CACHD1: variants seen among roughly 807,000 people sequenced by gnomAD.
CACHD1 encodes cache domain containing 1.
CACHD1 carries 71 observed loss-of-function variants against 138.7 expected under a neutral mutation model. The ratio of observed to expected loss-of-function variants is 0.51; its 90% CI spans 0.42 to 0.62. The LOEUF (loss-of-function observed/expected upper bound fraction) is 0.62, where lower values mean the gene tolerates loss of function less well. Ranked by LOEUF, CACHD1 falls within the 20% of genes least tolerant of loss-of-function variation. The probability of loss-of-function intolerance (pLI) is 0.00; values close to 1 mark genes in which losing one functional copy is unlikely to be tolerated. For missense variants in CACHD1, 1,389 were observed against 1,625.3 expected (o/e 0.85, Z 2.50); for synonymous variants, 578 against 591.5 (o/e 0.98, Z 0.33).
At chr1:64,500,481 A>G (rs762847496) in intron 1 of CACHD1, among the ~76,000 whole-genome samples, 46 of 152,270 alleles carry the variant, frequency 3.0e-4, no homozygotes, top group Middle Eastern at 3.4e-3. Context: ...TTGATTGGGC[A>G]TGCAAACAAA....
intron 1 of CACHD1, among the ~76,000 whole-genome samples, chr1:64,501,495 C>T (rs1362223328): frequency 2.0e-5 from 3 of 152,128 alleles, no homozygotes; most frequent in African/African-American, 7.2e-5. Flanking sequence ...TGATTTATGC[C>T]TTTTTGTGTT....
chr1:64,580,024 T>C (rs1646999392), intron 2 of CACHD1: 1 of 152,142 alleles, frequency 6.6e-6, no homozygotes, highest in Non-Finnish European at 1.5e-5. Context: ...TCTGACACCC[T>C]CTACTGCCCA....
At chr1:64,566,812 C>G (rs1646886526) in intron 2 of CACHD1, among the ~76,000 whole-genome samples, 1 of 151,196 alleles carries the variant, frequency 6.6e-6, no homozygotes, top group Admixed American at 6.6e-5. Context: ...TTGGGATGCT[C>G]TTTAAAGTTT....
intron 1 of CACHD1, among the ~76,000 whole-genome samples, chr1:64,535,146 G>C (rs1006472181): frequency 6.6e-6 from 1 of 152,144 alleles, no homozygotes; most frequent in African/African-American, 2.4e-5. Context: ...GTGGACACAA[G>C]TAGAAAGTGG....
At chr1:64,641,684 T>C in intron 7 of CACHD1, 136 bp from the exon 8 acceptor site, 1 of 558,844 alleles carries the variant, frequency 1.8e-6, no homozygotes, top group Non-Finnish European at 3.1e-6. Context: ...AGCCACAGCA[T>C]CAAACAGGAG....
At chr1:64,537,846 A>C (rs1259023045) in intron 1 of CACHD1, among the ~76,000 whole-genome samples, 1 of 152,190 alleles carries the variant, frequency 6.6e-6, no homozygotes, top group Non-Finnish European at 1.5e-5. Context: ...ATGAATAAGC[A>C]AATGGAGGCA....
chr1:64,540,669 T>C (rs1182170186), intron 1 of CACHD1, among the ~76,000 whole-genome samples: 1 of 152,206 alleles, frequency 6.6e-6, no homozygotes, highest in African/African-American at 2.4e-5. Flanking sequence ...TGGTTTTGAA[T>C]GCTGTAACAG....
chr1:64,687,731 C>G (rs1650413408), intron 26 of CACHD1, among the ~76,000 whole-genome samples: 1 of 151,968 alleles, frequency 6.6e-6, no homozygotes, highest in South Asian at 2.1e-4. Context: ...CAGGCAAAGC[C>G]ACAGGTAACT....
At chr1:64,651,330 T>A (rs890939366) in intron 9 of CACHD1, among the ~76,000 whole-genome samples, 10 of 152,190 alleles carry the variant, frequency 6.6e-5, no homozygotes, top group Non-Finnish European at 1.0e-4. Context: ...TTCTGTATGT[T>A]CAGATACTGT....
chr1:64,527,515 T>A (rs940025575), intron 1 of CACHD1, among the ~76,000 whole-genome samples: 2 of 152,216 alleles, frequency 1.3e-5, no homozygotes, highest in African/African-American at 2.4e-5. Flanking sequence ...TTTTGTGTGA[T>A]GGCATTTGCT....
intron 2 of CACHD1, among the ~76,000 whole-genome samples, chr1:64,552,857 T>G (rs570447546): frequency 7.2e-5 from 11 of 152,270 alleles, no homozygotes; most frequent in Non-Finnish European, 1.3e-4. Flanking sequence ...TCTGCTAAAC[T>G]GTCTTTATCT....
chr1:64,508,707 C>CTAA (rs1646395894), intron 1 of CACHD1, among the ~76,000 whole-genome samples: 1 of 152,162 alleles, frequency 6.6e-6, no homozygotes, highest in African/African-American at 2.4e-5. Context: ...AGTGAGAGGG[C>CTAA]TAAGTAAGAT....
intron 1 of CACHD1, among the ~76,000 whole-genome samples, chr1:64,548,186 A>G (rs941731774): frequency 6.6e-6 from 1 of 152,238 alleles, no homozygotes; most frequent in African/African-American, 2.4e-5. Flanking sequence ...AGAAGGAAGT[A>G]TCTGATTTGG....
chr1:64,586,216 A>G (rs1647050280), intron 3 of CACHD1, among the ~76,000 whole-genome samples: 1 of 152,128 alleles, frequency 6.6e-6, no homozygotes, highest in African/African-American at 2.4e-5. Context: ...GGGGCGTGCC[A>G]CCACGCCCGG....
At chr1:64,576,540 A>G (rs1646969133) in intron 2 of CACHD1, among the ~76,000 whole-genome samples, 1 of 151,770 alleles carries the variant, frequency 6.6e-6, no homozygotes, top group African/African-American at 2.4e-5. Context: ...TGAGGTTTCC[A>G]TAGTGTGTCA....
chr1:64,631,507 G>A (rs150976440), intron 5 of CACHD1, among the ~76,000 whole-genome samples: 221 of 152,230 alleles, frequency 1.5e-3, no homozygotes, highest in Non-Finnish European at 2.4e-3. Context: ...CTTTGCCTGC[G>A]TTTCTTAATT....
chr1:64,625,787 T>A (rs1051364158), intron 4 of CACHD1, among the ~76,000 whole-genome samples: 1 of 152,178 alleles, frequency 6.6e-6, no homozygotes, highest in African/African-American at 2.4e-5. Context: ...AAAAATTTTT[T>A]AAAGTGTTCC....
At chr1:64,685,738 T>G (rs904417515) in intron 26 of CACHD1, among the ~76,000 whole-genome samples, 8 of 151,690 alleles carry the variant, frequency 5.3e-5, no homozygotes, top group African/African-American at 1.9e-4. Flanking sequence ...CTCGGGAGAC[T>G]GAGGTGGGAA....
chr1:64,478,102 A>T (rs2100266671), intron 1 of CACHD1, among the ~76,000 whole-genome samples: 1 of 152,338 alleles, frequency 6.6e-6, no homozygotes, highest in South Asian at 2.1e-4. Flanking sequence ...AATATTTTGG[A>T]GGTTGTTTAG....
Sources: allele counts gnomAD v4.1 joint callset (sites outside exome capture counted in the v4.1 genomes callset), GRCh38; gene constraint gnomAD v4.1.1; transcripts MANE v1.5; gene names NCBI Gene and HGNC (gene_info 2026-07-23, HGNC 2026-07-21).